Variants in NRCAM observed in about 807,000 individuals in gnomAD.
NRCAM encodes NgCAM-related cell adhesion molecule.
In NRCAM, 83 loss-of-function variants were observed where a neutral mutation model predicts 156.5. The observed-to-expected ratio is 0.53, with a 90% CI of 0.44 to 0.64. The LOEUF (loss-of-function observed/expected upper bound fraction) is 0.64, where lower values mean the gene tolerates loss of function less well. Among genes scored for constraint, NRCAM ranks in the 30% least tolerant of loss-of-function variants. NRCAM has a pLI of 0.00. For synonymous variants in NRCAM, 538 were observed against 563.9 expected (o/e 0.95, Z 0.65); for missense variants, 1,417 against 1,597.3 (o/e 0.89, Z 1.92).
At chr7:108,439,083 A>G (rs932293455) in intron 1 of NRCAM, among the ~76,000 whole-genome samples, 4 of 152,176 alleles carry the variant, frequency 2.6e-5, no homozygotes, top group Admixed American at 6.5e-5. Flanking sequence ...CCAAAATCTT[A>G]GCACTTTTTT....
chr7:108,173,395 ATTAAAATTTG>A (rs1417868415), intron 28 of NRCAM, among the ~76,000 whole-genome samples: 1 of 152,230 alleles, frequency 6.6e-6, no homozygotes, highest in African/African-American at 2.4e-5. Flanking sequence ...CATTTAAAAA[ATTAAAATTTG>A]GGAGGATAGT....
At chr7:108,254,422 C>T (rs1244138771) in intron 3 of NRCAM, among the ~76,000 whole-genome samples, 1 of 152,288 alleles carries the variant, frequency 6.6e-6, no homozygotes, top group African/African-American at 2.4e-5. Context: ...CTACCACACA[C>T]CCACTTGAAT....
intron 2 of NRCAM, among the ~76,000 whole-genome samples, chr7:108,347,924 C>T (rs2099377945): frequency 2.0e-5 from 3 of 152,152 alleles, no homozygotes; most frequent in Admixed American, 2.0e-4. Flanking sequence ...AACCCGCCTC[C>T]TCTCCACCCC....
At chr7:108,251,795 T>C (rs1590054539) in intron 3 of NRCAM, among the ~76,000 whole-genome samples, 1 of 152,188 alleles carries the variant, frequency 6.6e-6, no homozygotes, top group Admixed American at 6.5e-5. Context: ...CTGGGTGCCA[T>C]CACTTGCTGC....
At chr7:108,232,868 C>T (rs2094491761) in intron 6 of NRCAM, among the ~76,000 whole-genome samples, 1 of 152,052 alleles carries the variant, frequency 6.6e-6, no homozygotes, top group Non-Finnish European at 1.5e-5. Flanking sequence ...CTGTAAACTC[C>T]ATTGTTCACA....
chr7:108,186,787 C>T (rs2067091534), intron 20 of NRCAM, among the ~76,000 whole-genome samples: 2 of 152,180 alleles, frequency 1.3e-5, no homozygotes, highest in African/African-American at 4.8e-5. Flanking sequence ...TGTAAAGCTT[C>T]TCTTATATAA....
At chr7:108,297,311 T>G (rs958531157) in intron 3 of NRCAM, among the ~76,000 whole-genome samples, 17 of 152,220 alleles carry the variant, frequency 1.1e-4, no homozygotes, top group African/African-American at 4.1e-4. Context: ...GTTTTCCAAC[T>G]CTACCTCCGC....
chr7:108,362,035 C>T (rs184370613), intron 2 of NRCAM, among the ~76,000 whole-genome samples: 2 of 152,110 alleles, frequency 1.3e-5, no homozygotes, highest in Non-Finnish European at 2.9e-5. Context: ...ACTCATAATG[C>T]CCCAAACTGG....
intron 32 of NRCAM, among the ~76,000 whole-genome samples, chr7:108,155,255 A>G (rs1200119509): frequency 6.6e-6 from 1 of 151,816 alleles, no homozygotes; most frequent in African/African-American, 2.4e-5. Context: ...AAGTTTAAGG[A>G]TGGTGTGTAT....
At chr7:108,268,619 T>A (rs1269660) in intron 3 of NRCAM, among the ~76,000 whole-genome samples, 2 of 49,258 alleles carry the variant, frequency 4.1e-5, no homozygotes, top group Non-Finnish European at 3.5e-5. Flanking sequence ...GGGGCGGGGG[T>A]GGGGGTGGGG....
chr7:108,210,611 TTAGAAGA>T (rs1235499172), intron 11 of NRCAM, among the ~76,000 whole-genome samples: 5 of 152,234 alleles, frequency 3.3e-5, no homozygotes, highest in African/African-American at 1.2e-4. Flanking sequence ...AGGCTTGGAG[TTAGAAGA>T]TCTTTAGAAT....
chr7:108,155,669 C>T lies in NRCAM; in HGVS notation c.3677+3794G>A, dbSNP rs560421201. 2.0e-5 allele frequency among the ~76,000 whole-genome samples: 3 copies of T among 152,148 alleles called. No homozygotes were observed. In the East Asian group the frequency reaches 5.8e-4, roughly 29 times the overall value. On this transcript the variant is annotated intron_variant, in intron 32 of 32. Transcript: ENST00000379028. ...CATCCATCACTAGGCTATAAACTCC[C>T]TGTGTGGGACCAAATTCTATTGGTT...
chr7:108,363,271 C>T (rs992706037), intron 2 of NRCAM, among the ~76,000 whole-genome samples: 1 of 152,032 alleles, frequency 6.6e-6, no homozygotes, highest in African/African-American at 2.4e-5. Flanking sequence ...TAGAGTATAA[C>T]CCACTATTTC....
chr7:108,267,672 T>C (rs2097159803), intron 3 of NRCAM, among the ~76,000 whole-genome samples: 1 of 152,186 alleles, frequency 6.6e-6, no homozygotes, highest in African/African-American at 2.4e-5. Flanking sequence ...TGAGGTTCTT[T>C]AGAAAGGAAA....
intron 3 of NRCAM, among the ~76,000 whole-genome samples, chr7:108,292,257 T>TGG (rs1210053238): frequency 6.6e-6 from 1 of 152,226 alleles, no homozygotes; most frequent in Non-Finnish European, 1.5e-5. Flanking sequence ...CTGGTCCCTT[T>TGG]GGGACTGTTT....
chr7:108,274,369 G>A (rs1177887173), intron 3 of NRCAM, among the ~76,000 whole-genome samples: 1 of 152,198 alleles, frequency 6.6e-6, no homozygotes, highest in African/African-American at 2.4e-5. Flanking sequence ...TCCTATCCAT[G>A]AGCATGGCAT....
intron 2 of NRCAM, among the ~76,000 whole-genome samples, chr7:108,379,623 C>T (rs1237672357): frequency 6.6e-6 from 1 of 151,930 alleles, no homozygotes; most frequent in Non-Finnish European, 1.5e-5. Context: ...TGTATTTTAT[C>T]ACAGTTAATT....
At chr7:108,168,113 T>C (rs1159680879) in intron 29 of NRCAM, among the ~76,000 whole-genome samples, 164 bp downstream of exon 29, 1 of 152,218 alleles carries the variant, frequency 6.6e-6, no homozygotes, top group South Asian at 2.1e-4. Flanking sequence ...GCATATAATA[T>C]GTGGTAGGCT....
At chr7:108,273,361 C>T (rs1269664) in intron 3 of NRCAM, among the ~76,000 whole-genome samples, 78,458 of 151,952 alleles carry the variant, frequency 0.52, 23,032 homozygotes, top group East Asian at 0.86. Flanking sequence ...TACAGTCCCA[C>T]CAACAGTGTA....
Sources: allele counts gnomAD v4.1 joint callset (sites outside exome capture counted in the v4.1 genomes callset), GRCh38; gene constraint gnomAD v4.1.1; transcripts MANE v1.5; gene names NCBI Gene and HGNC (gene_info 2026-07-23, HGNC 2026-07-21).